The following FAM83G variants were observed in gnomAD, a reference collection of about 807,000 sequenced individuals.
The protein encoded by FAM83G is scaffolding CK1 anchoring protein G.
A neutral mutation model predicts 61.5 loss-of-function variants in FAM83G; 38 were observed. The ratio of observed to expected loss-of-function variants is 0.62; its 90% CI spans 0.48 to 0.81. The LOEUF is 0.81. Among genes scored for constraint, FAM83G ranks in the 30% least tolerant of loss-of-function variants. FAM83G has a pLI of 0.00. For missense variants in FAM83G, 989 were observed against 1,133.6 expected (o/e 0.87, Z 1.83); for synonymous variants, 470 against 476.1 (o/e 0.99, Z 0.17).
At chr17:18,995,932 A>G (rs2152136896) in intron 2 of FAM83G, among the ~76,000 whole-genome samples, 1 of 151,798 alleles carries the variant, frequency 6.6e-6, no homozygotes, top group Middle Eastern at 3.4e-3. Context: ...AAAAAAGACT[A>G]AATCCACAGG....
At chr17:18,977,029 A>C in intron 5 of FAM83G, 1 of 1,605,508 alleles carries the variant, frequency 6.2e-7, no homozygotes, top group South Asian at 1.1e-5. Flanking sequence ...GCTGCAGGGC[A>C]CCCAGGGTTC....
chr17:18,970,932 T>G lies in FAM83G; in HGVS notation c.*427A>C. 8 of 1,368,130 alleles carry G rather than the reference T, an allele frequency of 5.8e-6. No individual in the cohort carries two copies. Among genetic ancestry groups the G allele is most frequent in the Non-Finnish European group, 7.2e-6 (7 of 966,870 alleles). The allele number at this position is 1,368,130 out of a possible 1,614,324, so 84.7% of individuals were successfully genotyped here. A position where few individuals can be genotyped will look rare whatever the true frequency, so the allele number is the denominator to read the frequency against. ...GTTTGATGCATCAGGAAGTTTCTTG[T>G]GAGATGAAGGCAGGGGGGAGCCCAG... On this transcript the variant is annotated 3_prime_UTR_variant, in exon 6 of 6. Coordinates refer to ENST00000388995, the MANE Select transcript of FAM83G (RefSeq NM_001039999.3).
At chr17:18,975,043 A>G (rs1318122383) in intron 5 of FAM83G, among the ~76,000 whole-genome samples, 1 of 152,236 alleles carries the variant, frequency 6.6e-6, no homozygotes, top group Non-Finnish European at 1.5e-5. Flanking sequence ...CACCTGTCCC[A>G]GGGCCAGCTG....
Position 18,971,485 on chromosome 17 carries a change from G to A in FAM83G, c.2346C>T (p.Pro782=), listed in dbSNP as rs1197609375. ...ACAGTTTGGAGTATGGGATTCCGAA[G>A]GGACTCGGATGCTCCTCGGTGGCCC... The part of the protein sequence containing the change: ...DGRATEEHPS[P]FGIPYSKLSQ... Residue 782 remains proline, a synonymous_variant, in exon 6 of 6, where the codon CCC becomes CCT. Transcript: ENST00000388995. This position sits in a 1 kb window ranked among gnomAD's most constrained non-coding sequence, Gnocchi z 5.5. 6.2e-7 allele frequency: 1 copy of A among 1,614,070 alleles called. No individual in the cohort carries two copies. Among genetic ancestry groups the A allele is most frequent in the South Asian group, 1.1e-5 (1 of 91,082 alleles).
At chr17:18,974,190 C>A (rs2042927183) in intron 5 of FAM83G, among the ~76,000 whole-genome samples, 1 of 151,522 alleles carries the variant, frequency 6.6e-6, no homozygotes, top group Admixed American at 6.6e-5. Context: ...CATGCCCAGC[C>A]AATTTTTGTA....
upstream of FAM83G, among the ~76,000 whole-genome samples, chr17:19,005,807 C>T (rs80145212): frequency 0.011 from 1,653 of 152,296 alleles, 122 homozygotes; most frequent in East Asian, 0.19. Context: ...GCCATATAGC[C>T]CCCCAAGGGC....
At chr17:18,977,299 T>G (rs2043004487) in intron 5 of FAM83G, 1 of 576,760 alleles carries the variant, frequency 1.7e-6, no homozygotes, top group Non-Finnish European at 3.0e-6. Context: ...GCCATCAAGA[T>G]CCTCTAACCA....
Position 18,970,386 on chromosome 17 carries a change from C to CCCCG in FAM83G, c.*972_*973insCGGG, listed in dbSNP as rs1449757594. 1.1e-4 allele frequency: 17 copies of CCCCG among 155,434 alleles called. No homozygotes were observed. The highest frequency in any genetic ancestry group is 2.1e-4 in the Non-Finnish European group (15 of 70,030). 9.6% of individuals were successfully genotyped at this position (155,434 alleles called of 1,614,324 possible). ...ACAGATGGGCCAGGGCTTGGCCATG[C>CCCCG]CGGGCCCTGACCCCGAGGTAGACAG... On this transcript the variant is annotated 3_prime_UTR_variant, in exon 6 of 6. Transcript: ENST00000388995.
intron 3 of FAM83G, among the ~76,000 whole-genome samples, chr17:18,983,199 G>T (rs2043182954): frequency 6.6e-6 from 1 of 152,242 alleles, no homozygotes; most frequent in South Asian, 2.1e-4. Context: ...TGAGGACAGG[G>T]CTCTTTCATC....
intron 2 of FAM83G, among the ~76,000 whole-genome samples, chr17:18,991,682 G>A (rs180970374): frequency 2.6e-5 from 4 of 152,292 alleles, no homozygotes; most frequent in Non-Finnish European, 5.9e-5. Context: ...AGGCGGGCAC[G>A]TGTGTGTCCT....
chr17:19,001,251 G>A (rs1168648456), intron 2 of FAM83G, among the ~76,000 whole-genome samples: 1 of 152,200 alleles, frequency 6.6e-6, no homozygotes, highest in Non-Finnish European at 1.5e-5. Context: ...AAGTGCCCAG[G>A]GCAGAAAGCA....
intron 2 of FAM83G, among the ~76,000 whole-genome samples, chr17:18,991,029 C>A (rs946304023): frequency 4.6e-5 from 7 of 152,150 alleles, no homozygotes; most frequent in African/African-American, 1.7e-4. Flanking sequence ...TATAAGGAGC[C>A]TTTACAGCTG....
chr17:18,976,977 G>A (rs1244151063), intron 5 of FAM83G: 11 of 1,612,682 alleles, frequency 6.8e-6, no homozygotes, highest in Admixed American at 3.3e-5. Flanking sequence ...GATCAGCCGC[G>A]CATTGTTCCC....
chr17:18,990,005 C>A (rs563364786), intron 2 of FAM83G, among the ~76,000 whole-genome samples: 2 of 152,316 alleles, frequency 1.3e-5, no homozygotes, highest in African/African-American at 4.8e-5. Context: ...AACTCCAAGG[C>A]CTAGGGTTCT....
chr17:18,977,709 G>A lies in FAM83G; in HGVS notation c.1957C>T (p.His653Tyr), dbSNP rs1261007913. 1 of 1,609,752 alleles carries A rather than the reference G, an allele frequency of 6.2e-7. No individual in the cohort carries two copies. The highest frequency in any genetic ancestry group is 8.5e-7 in the Non-Finnish European group (1 of 1,179,192). ...PPPRRQLSAP[H>Y]ITRGTFVGPQ... ...CCAACAAAGGTCCCTCGGGTTATAT[G>A]GGGGGCACTCAGCTGCCGGCGCGGT... The change falls in exon 5 of 6, where the codon CAT (histidine) becomes TAT (tyrosine). Residue 653 changes from histidine (H) to tyrosine (Y), a missense_variant. Around this residue, in one of 3 missense-constraint regions of FAM83G, gnomAD observed 574 missense variants for 645.1 expected, o/e 0.89. Coordinates refer to ENST00000388995, the MANE Select transcript of FAM83G (RefSeq NM_001039999.3).
At chr17:18,997,031 TTGACA>T (rs2043587052) in intron 2 of FAM83G, among the ~76,000 whole-genome samples, 1 of 152,252 alleles carries the variant, frequency 6.6e-6, no homozygotes, top group African/African-American at 2.4e-5. Context: ...CCCGTTCCCC[TTGACA>T]TTCATCAGCT....
chr17:19,002,715 C>G (rs2043762313), intron 2 of FAM83G, among the ~76,000 whole-genome samples: 1 of 152,228 alleles, frequency 6.6e-6, no homozygotes, highest in Admixed American at 6.5e-5. Flanking sequence ...CCAGCAGTGG[C>G]CTAGCTGTCT....
chr17:18,972,631 C>T (rs907815145), intron 5 of FAM83G, among the ~76,000 whole-genome samples: 1 of 152,128 alleles, frequency 6.6e-6, no homozygotes, highest in Non-Finnish European at 1.5e-5. Flanking sequence ...GGGAGGCTGA[C>T]ATGGGCGGAT....
In FAM83G at chr17:19,000,331, G is replaced by A. The variant is rs1178487945; in HGVS notation, c.522+3189C>T. On this transcript the variant is annotated intron_variant, in intron 2 of 5. Transcript: ENST00000388995. This position sits in a 1 kb window ranked among gnomAD's most constrained non-coding sequence, Gnocchi z 5.2. ...GGGCAGCAAGGTGTCAGGGCTGAAG[G>A]GGCCCCTAACAGTCTTCAATACCTG... Among the ~76,000 whole-genome samples, 1 of 152,168 alleles carries A rather than the reference G, an allele frequency of 6.6e-6. No homozygotes were observed. Among genetic ancestry groups the A allele is most frequent in the South Asian group, 2.1e-4 (1 of 4,832 alleles).
Sources: allele counts gnomAD v4.1 joint callset (sites outside exome capture counted in the v4.1 genomes callset), GRCh38; gene constraint gnomAD v4.1.1; regional missense constraint gnomAD v4.1.1; non-coding constraint Gnocchi (gnomAD v3.1); transcripts MANE v1.5; gene names NCBI Gene and HGNC (gene_info 2026-07-23, HGNC 2026-07-21).